Variants in DYRK3 observed in about 807,000 individuals in gnomAD.
The protein encoded by DYRK3 is dual specificity tyrosine phosphorylation regulated kinase 3, also known as dual specificity tyrosine-phosphorylation-regulated kinase 3.
In DYRK3, 30 loss-of-function variants were observed where a neutral mutation model predicts 40.8. The ratio of observed to expected loss-of-function variants is 0.74; its 90% CI spans 0.55 to 1.00. The LOEUF (loss-of-function observed/expected upper bound fraction) is 1.00. DYRK3 is among the 50% of genes least tolerant of loss of function. The pLI, the probability that DYRK3 is intolerant of heterozygous loss-of-function variation, is 0.00. For synonymous variants in DYRK3, 272 were observed against 260.7 expected (o/e 1.04, Z -0.42); for missense variants, 699 against 731.5 (o/e 0.96, Z 0.51).
In DYRK3 at chr1:206,653,952, TA is replaced by T. The variant is rs782755982; in HGVS notation, c.*4994del. Among the ~76,000 whole-genome samples, 1 of 152,228 alleles carries T rather than the reference TA, an allele frequency of 6.6e-6. No individual in the cohort carries two copies. Among genetic ancestry groups the T allele is most frequent in the East Asian group, 1.9e-4 (1 of 5,196 alleles). On this transcript the variant is annotated 3_prime_UTR_variant, in exon 3 of 3. Transcript: ENST00000367109. ...TTATTGCATAATCAAAAAAGAACAATAAAAAAATAAAAATTTCTACTGTGAA... is the reference window on the plus strand; with the variant it reads ...TTATTGCATAATCAAAAAAGAACAATAAAAAATAAAAATTTCTACTGTGAA...
intron 1 of DYRK3, chr1:206,636,086 T>A: frequency 6.7e-7 from 1 of 1,502,284 alleles, no homozygotes; most frequent in Non-Finnish European, 9.0e-7. Context: ...AATCTAGGAC[T>A]TTTTGTGGGG....
chr1:206,647,466 C>G lies in DYRK3; in HGVS notation c.268C>G (p.Gln90Glu). ...TGAGATGAAGGTAGAACAGCTGTTT[C>G]AAGAATTTGGCAACAGAAAATCCAA... ...GGEMKVEQLF[Q>E]EFGNRKSNTI... is the part of the protein sequence containing the mutation. Residue 90 changes from glutamine to glutamate, a missense_variant, in exon 3 of 3, where the codon CAA becomes GAA. Gln to Glu is a conservative substitution (Grantham distance 29). Transcript: ENST00000367109. 6.2e-7 allele frequency: 1 copy of G among 1,614,130 alleles called. No individual in the cohort carries two copies.
intron 2 of DYRK3, among the ~76,000 whole-genome samples, chr1:206,641,173 C>T (rs1553419294): frequency 6.6e-6 from 1 of 151,566 alleles, no homozygotes; most frequent in African/African-American, 2.4e-5. Flanking sequence ...TTTGGTGCAC[C>T]CATTACCCGA....
Position 206,648,926 on chromosome 1 carries a change from T to C in DYRK3, c.1728T>C (p.Ser576=). Residue 576 remains serine (S), a synonymous_variant, in exon 3 of 3, where the codon AGT becomes AGC. Transcript: ENST00000367109. ...ACTTAATGTCAGAAACCAATGGTAGTATACCCCTATGCAGTGTATTGCCAA... is the reference window on the plus strand; with the variant it reads ...ACTTAATGTCAGAAACCAATGGTAGCATACCCCTATGCAGTGTATTGCCAA... The part of the protein sequence containing the change: ...KANLMSETNG[S]IPLCSVLPKL... 1 of 1,614,080 alleles carries C rather than the reference T, an allele frequency of 6.2e-7. No individual in the cohort carries two copies. Among genetic ancestry groups the C allele is most frequent in the Non-Finnish European group, 8.5e-7 (1 of 1,180,026 alleles).
chr1:206,641,891 C>T (rs1276201543), intron 2 of DYRK3, among the ~76,000 whole-genome samples: 4 of 150,672 alleles, frequency 2.7e-5, no homozygotes, highest in Admixed American at 6.6e-5. Context: ...GTCTAAAACA[C>T]CAAATGCAAC....
At chr1:206,643,572 C>T (rs782387388) in intron 2 of DYRK3, among the ~76,000 whole-genome samples, 16 of 152,140 alleles carry the variant, frequency 1.1e-4, no homozygotes. Context: ...AGAGGCATTC[C>T]TTTTCATTAG....
chr1:206,648,199 G>A lies in DYRK3; in HGVS notation c.1001G>A (p.Cys334Tyr), dbSNP rs782802340. The A allele has an allele frequency of 1.4e-5, 22 of 1,614,140 alleles. No homozygotes were observed. Among genetic ancestry groups the A allele is most frequent in the Non-Finnish European group, 1.8e-5 (21 of 1,180,030 alleles). The change falls in exon 3 of 3, where the codon TGC becomes TAC. Residue 334 changes from cysteine to tyrosine, a missense_variant. Coordinates refer to ENST00000367109, the MANE Select transcript of DYRK3 (RefSeq NM_003582.4). ...CTCCACAAAAATAAGATTATTCACTGCGATCTGAAGCCAGAAAACATTCTC... is the reference window on the plus strand; with the variant it reads ...CTCCACAAAAATAAGATTATTCACTACGATCTGAAGCCAGAAAACATTCTC... ...DALHKNKIIH[C>Y]DLKPENILLK...
chr1:206,635,772 GCAGCGGAGGTAACGGCGC>G lies in DYRK3; in HGVS notation c.72_77+12del. 8.0e-7 allele frequency: 1 copy of G among 1,244,704 alleles called. No homozygotes were observed. The allele number at this position is 1,244,704 out of a possible 1,614,324, so 77.1% of individuals were successfully genotyped here. ...CGCCTGGGGCCGGGCTCCCGCCCCA[GCAGCGGAGGTAACGGCGC>G]CACGGGGTAACGGGCTGGAGGCGCC... On this transcript the variant is annotated splice_donor_variant and splice_donor_5th_base_variant and coding_sequence_variant and intron_variant, in exon 1 of 3. Transcript: ENST00000367109. LOFTEE classifies it high-confidence loss of function.
At chr1:206,640,497 T>C (rs915785330) in intron 2 of DYRK3, among the ~76,000 whole-genome samples, 1 of 152,028 alleles carries the variant, frequency 6.6e-6, no homozygotes, top group Non-Finnish European at 1.5e-5. Context: ...TAGGGTTTTA[T>C]ATCTGAGTGA....
At chr1:206,638,577 T>G (rs1671188654) in intron 2 of DYRK3, among the ~76,000 whole-genome samples, 1 of 145,268 alleles carries the variant, frequency 6.9e-6, no homozygotes, top group African/African-American at 2.5e-5. Context: ...CTTGGCAGCT[T>G]TTTTTTTTTT....
rs1225737842 is a variant in DYRK3 at position 206,635,763 on chromosome 1, C to G, written c.60C>G (p.Leu20=). 3 of 1,244,662 alleles carry G rather than the reference C, an allele frequency of 2.4e-6. No homozygotes were observed. Among genetic ancestry groups the G allele is most frequent in the Non-Finnish European group, 2.0e-6 (2 of 989,168 alleles). 77.1% of individuals were successfully genotyped at this position (1,244,662 alleles called of 1,614,324 possible). The change falls in exon 1 of 3, where the codon CTC becomes CTG. Residue 20 remains leucine (L), a synonymous_variant. Coordinates refer to ENST00000367109, the MANE Select transcript of DYRK3 (RefSeq NM_003582.4). ...ATGCGGGGCCGCCTGGGGCCGGGCTCCCGCCCCAGCAGCGGAGGTAACGGC... is the reference window on the plus strand; with the variant it reads ...ATGCGGGGCCGCCTGGGGCCGGGCTGCCGCCCCAGCAGCGGAGGTAACGGC... ...RKDAGPPGAG[L]PPQQRRLGDG...
rs1671544790 is a variant in DYRK3 at position 206,648,778 on chromosome 1, C to T, written c.1580C>T (p.Pro527Leu). Residue 527 changes from proline (P) to leucine (L), a missense_variant, in exon 3 of 3, where the codon CCC becomes CTC. Transcript: ENST00000367109. ...CACCCTTGGATTAGCAAGTCTGTCCCCAGACCTCTCACCACCATAGACAAG... is the reference window on the plus strand; with the variant it reads ...CACCCTTGGATTAGCAAGTCTGTCCTCAGACCTCTCACCACCATAGACAAG... ...LRHPWISKSV[P>L]RPLTTIDKVS... The T allele has an allele frequency of 6.2e-7, 1 of 1,614,056 alleles. No homozygotes were observed. Among genetic ancestry groups the T allele is most frequent in the South Asian group, 1.1e-5 (1 of 91,086 alleles).
At position 206,651,258 on chromosome 1, in the gene DYRK3, C is replaced by T. The variant is rs980546476; in HGVS notation, c.*2293C>T. On this transcript the variant is annotated 3_prime_UTR_variant, in exon 3 of 3. Coordinates refer to ENST00000367109, the MANE Select transcript of DYRK3 (RefSeq NM_003582.4). Reference sequence around the variant, plus strand: ...CTCATCTACCTCATGATCTGCTAGTCGAGATAGTGACTCTTTGGAAGTTGG... The same window carrying T: ...CTCATCTACCTCATGATCTGCTAGTTGAGATAGTGACTCTTTGGAAGTTGG... Among the ~76,000 whole-genome samples the T allele has an allele frequency of 4.6e-5, 7 of 152,188 alleles. No homozygotes were observed. The highest frequency in any genetic ancestry group is 1.9e-4 in the East Asian group (1 of 5,190).
At chr1:206,637,598 A>G (rs1671151846) in intron 1 of DYRK3, 52 bp from the exon 2 acceptor site, 1 of 1,258,966 alleles carries the variant, frequency 7.9e-7, no homozygotes, top group Non-Finnish European at 1.2e-6. Context: ...AAGACATAGG[A>G]TTCTATATTC....
At chr1:206,638,903 G>A (rs1373870670) in intron 2 of DYRK3, among the ~76,000 whole-genome samples, 7 of 125,390 alleles carry the variant, frequency 5.6e-5, no homozygotes, top group East Asian at 2.3e-4. Flanking sequence ...TTCCTGAGAC[G>A]CAGTCTTACT....
intron 1 of DYRK3, among the ~76,000 whole-genome samples, chr1:206,637,406 A>G (rs781981401): frequency 2.0e-5 from 3 of 152,254 alleles, no homozygotes; most frequent in Non-Finnish European, 4.4e-5. Context: ...GTGTTTAACA[A>G]CATTCAGAAG....
At chr1:206,637,381 C>G (rs1553418534) in intron 1 of DYRK3, among the ~76,000 whole-genome samples, 1 of 152,210 alleles carries the variant, frequency 6.6e-6, no homozygotes. Context: ...TGAGATCCTT[C>G]TGATAGTCCT....
rs1391847472 is a variant in DYRK3 at position 206,635,740 on chromosome 1, G to T, written c.37G>T (p.Ala13Ser). ...GTARGPGRKD[A>S]GPPGAGLPPQ... ...AGCTCGTGGGCCTGGGCGGAAGGATGCGGGGCCGCCTGGGGCCGGGCTCCC... is the reference window on the plus strand; with the variant it reads ...AGCTCGTGGGCCTGGGCGGAAGGATTCGGGGCCGCCTGGGGCCGGGCTCCC... Residue 13 changes from alanine to serine, a missense_variant, in exon 1 of 3, where the codon GCG becomes TCG. Physicochemically the swap from Ala to Ser is moderately conservative, Grantham distance 99. Coordinates refer to ENST00000367109, the MANE Select transcript of DYRK3 (RefSeq NM_003582.4). The T allele has an allele frequency of 5.6e-6, 7 of 1,245,876 alleles. No individual in the cohort carries two copies. Among genetic ancestry groups the T allele is most frequent in the Non-Finnish European group, 7.1e-6 (7 of 989,108 alleles). 77.2% of individuals were successfully genotyped at this position (1,245,876 alleles called of 1,614,324 possible). A position where few individuals can be genotyped will look rare whatever the true frequency, so the allele number is the denominator to read the frequency against.
In DYRK3 at chr1:206,648,480, C is replaced by G; in HGVS notation, c.1282C>G (p.Pro428Ala). ...LACMMELLGM[P>A]PPKLLEQSKR... ...CTGCATGATGGAGCTTCTAGGGATG[C>G]CACCACCAAAACTTCTGGAGCAATC... The change falls in exon 3 of 3, where the codon CCA (proline) becomes GCA (alanine). Residue 428 changes from proline to alanine, a missense_variant. Transcript: ENST00000367109. 1 of 1,614,156 alleles carries G rather than the reference C, an allele frequency of 6.2e-7. No homozygotes were observed. The highest frequency in any genetic ancestry group is 8.5e-7 in the Non-Finnish European group (1 of 1,180,032).
Sources: gnomAD v4.1 joint callset for allele counts (sites outside exome capture counted in the v4.1 genomes callset) on GRCh38, gnomAD v4.1.1 for gene constraint, MANE v1.5 for transcripts, NCBI Gene and HGNC (gene_info 2026-07-23, HGNC 2026-07-21) for gene names.